The following FBN3 variants were observed in gnomAD, a reference collection of about 807,000 sequenced individuals.
FBN3 encodes the protein fibrillin 3.
A neutral mutation model predicts 330.1 loss-of-function variants in FBN3; 234 were observed. That is an observed-to-expected ratio of 0.71 (90% CI 0.64 to 0.79). The LOEUF is 0.79. FBN3 is among the 30% of genes least tolerant of loss of function. The pLI is 0.00. For missense variants in FBN3, 3,606 were observed against 3,886.9 expected, an observed-to-expected ratio of 0.93 and a Z score of 1.92; for synonymous variants, 1,458 against 1,517.3, an observed-to-expected ratio of 0.96 and a Z score of 0.91.
At chr19:8,143,105 TTC>T (rs2083451131) in intron 6 of FBN3, among the ~76,000 whole-genome samples, 1 of 151,980 alleles carries the variant, frequency 6.6e-6, no homozygotes, top group Non-Finnish European at 1.5e-5. Context: ...CCCACTCCGG[TTC>T]TCTTTCTCTT....
intron 13 of FBN3, 123 bp downstream of exon 13, chr19:8,135,838 T>C (rs2083264798): frequency 1.9e-6 from 2 of 1,080,760 alleles, no homozygotes; most frequent in Admixed American, 2.1e-5. Context: ...GGTTCAGAGG[T>C]GAGCAGAGGA....
At position 8,096,228 on chromosome 19, in the gene FBN3, G is replaced by C; in HGVS notation, c.5540-148C>G. On this transcript the variant is annotated intron_variant, in intron 44 of 63. Transcript: ENST00000600128. This position sits in a 1 kb window ranked among gnomAD's most constrained non-coding sequence, Gnocchi z 4.6. ...AGTGACCCCTGGCGGTGATGGCTGG[G>C]AAGTACTCCTGGTATGATATATCAC... 2.3e-6 allele frequency: 2 copies of C among 854,586 alleles called. No individual in the cohort carries two copies. Among genetic ancestry groups the C allele is most frequent in the Non-Finnish European group, 3.8e-6 (2 of 524,662 alleles). The allele number at this position is 854,586 out of a possible 1,614,324, so 52.9% of individuals were successfully genotyped here.
At chr19:8,076,389 T>C (rs909195662) in intron 59 of FBN3, among the ~76,000 whole-genome samples, 4 of 152,106 alleles carry the variant, frequency 2.6e-5, no homozygotes, top group Admixed American at 6.6e-5. Flanking sequence ...TCCCAGTGCT[T>C]TGGGAGGCCT....
Position 8,081,446 on chromosome 19 carries a change from A to G in FBN3, c.7248T>C (p.Cys2416=), listed in dbSNP as rs1248064184. ...MDECSQVPKP[C]TFLCKNTKGS... ...CCTTCGTGTTTTTGCAGAGGAAGGT[A>G]CATGGCTTGGGGACCTGGCTGCACT... is the stretch of plus-strand genomic sequence containing the variant. Residue 2416 remains cysteine, a synonymous_variant, in exon 58 of 64, where the codon TGT becomes TGC. Transcript: ENST00000600128. 2 of 1,612,316 alleles carry G rather than the reference A, an allele frequency of 1.2e-6. No homozygotes were observed. Among genetic ancestry groups the G allele is most frequent in the Admixed American group, 1.7e-5 (1 of 59,648 alleles).
intron 25 of FBN3, among the ~76,000 whole-genome samples, chr19:8,120,165 C>CTTTTTTTTTTTTTTTTTTTT (rs34799960): frequency 7.8e-6 from 1 of 127,922 alleles, no homozygotes; most frequent in African/African-American, 3.0e-5. Context: ...TTCTTTCTTT[C>CTTTTTTTTTTTTTTTTTTTT]TTTTTTTTTT....
chr19:8,121,428 C>A lies in FBN3; in HGVS notation c.3083-42G>T, dbSNP rs767360555. 7.8e-6 allele frequency: 12 copies of A among 1,540,416 alleles called. No individual in the cohort carries two copies. Among genetic ancestry groups the A allele is most frequent in the Non-Finnish European group, 1.1e-5 (12 of 1,139,574 alleles). ...CAGAGGCCGGAGGCGCCATGTGGGC[C>A]GCATCATGGGGCACGAGGCAGGGGG... On this transcript the variant is annotated intron_variant, in intron 24 of 63. Coordinates refer to ENST00000600128, the MANE Select transcript of FBN3 (RefSeq NM_032447.5). The surrounding 1 kb of genome is among the most constrained non-coding windows in gnomAD (Gnocchi z 4.5).
chr19:8,145,086 G>T, intron 5 of FBN3, 114 bp from the exon 6 acceptor site: 1 of 953,784 alleles, frequency 1.0e-6, no homozygotes. Flanking sequence ...GGTTGAATAA[G>T]ACTGAGGCTG....
In FBN3 at chr19:8,066,031, T is replaced by C. The variant is rs1352368524; in HGVS notation, c.8318A>G (p.Tyr2773Cys). The change falls in exon 64 of 64, where the codon TAC becomes TGC. Residue 2773 changes from tyrosine (Y) to cysteine (C), a missense_variant. Transcript: ENST00000600128. Reference protein sequence around the residue: ...LGRRRPGPGTYRLEVVSHMAG... With the variant: ...LGRRRPGPGTCRLEVVSHMAG... ...CATGTGGCTCACCACCTCCAGCCGG[T>C]AGGTTCCAGGCCCCGGCCGCCTCCG... is the stretch of plus-strand genomic sequence containing the variant. 1 of 1,613,028 alleles carries C rather than the reference T, an allele frequency of 6.2e-7. No individual in the cohort carries two copies. Among genetic ancestry groups the C allele is most frequent in the Non-Finnish European group, 8.5e-7 (1 of 1,179,980 alleles).
In FBN3 at chr19:8,131,362, G is replaced by C. The variant is rs931720701; in HGVS notation, c.1991-74C>G. 5.6e-5 allele frequency: 87 copies of C among 1,548,446 alleles called. No homozygotes were observed. The highest frequency in any genetic ancestry group is 7.3e-5 in the Non-Finnish European group (82 of 1,128,878). ...CTCGGATTCAGCCACAGGCAAGGAT[G>C]AGGCCCTCTGGTCTTGGGCAAGAGT... On this transcript the variant is annotated intron_variant, in intron 15 of 63. Coordinates refer to ENST00000600128, the MANE Select transcript of FBN3 (RefSeq NM_032447.5). The surrounding 1 kb of genome is among the most constrained non-coding windows in gnomAD (Gnocchi z 4.5).
chr19:8,120,181 T>TA (rs397859827), intron 25 of FBN3, among the ~76,000 whole-genome samples: 1 of 146,922 alleles, frequency 6.8e-6, no homozygotes. Flanking sequence ...TTTTTTTTTT[T>TA]AATTTGGAGA....
chr19:8,085,930 G>A (rs914363068), intron 55 of FBN3, among the ~76,000 whole-genome samples: 6 of 150,986 alleles, frequency 4.0e-5, no homozygotes, highest in African/African-American at 1.5e-4. Context: ...GCCCGTCAGT[G>A]CCGCAGGCCC....
chr19:8,072,234 G>T, intron 62 of FBN3, 36 bp from the exon 63 acceptor site: 5 of 1,497,324 alleles, frequency 3.3e-6, no homozygotes, highest in Non-Finnish European at 4.4e-6. Flanking sequence ...GGGTTTCAGA[G>T]GCGGGCTGAT....
In FBN3 at chr19:8,126,483, C is replaced by T. The variant is rs751048344; in HGVS notation, c.2539G>A (p.Glu847Lys). The T allele has an allele frequency of 5.6e-6, 9 of 1,612,898 alleles. No individual in the cohort carries two copies. Among genetic ancestry groups the T allele is most frequent in the Non-Finnish European group, 5.1e-6 (6 of 1,179,558 alleles). ...TLGAAWGSPC[E>K]RCEIDPACAR... is the part of the protein sequence containing the mutation. ...AGGATACTACCGATCTCGCAGCGTT[C>T]GCAGGGGCTCCCCCAGGCTGCCCCG... Residue 847 changes from glutamate (E) to lysine (K), a missense_variant, in exon 20 of 64, where the codon GAA becomes AAA. By Grantham distance (56) the Glu-to-Lys change is moderately conservative. Coordinates refer to ENST00000600128, the MANE Select transcript of FBN3 (RefSeq NM_032447.5).
Position 8,069,972 on chromosome 19 carries a change from T to G in FBN3, c.8088+2076A>C, listed in dbSNP as rs114752249. On this transcript the variant is annotated intron_variant, in intron 63 of 63. Transcript: ENST00000600128. Reference sequence around the variant, plus strand: ...TACAAAAATTAGCCCTTCTCTGTCTTGATCTACTTCTGCCCTGGGACCCTG... The same window carrying G: ...TACAAAAATTAGCCCTTCTCTGTCTGGATCTACTTCTGCCCTGGGACCCTG... 2.0e-3 allele frequency among the ~76,000 whole-genome samples: 300 copies of G among 152,306 alleles called. 2 individuals are homozygous for G. Among genetic ancestry groups the G allele is most frequent in the African/African-American group, 7.1e-3 (294 of 41,578 alleles).
intron 38 of FBN3, among the ~76,000 whole-genome samples, chr19:8,105,040 C>T (rs574900664): frequency 9.0e-4 from 136 of 151,872 alleles, no homozygotes; most frequent in African/African-American, 2.8e-3. Flanking sequence ...CTGCAACCTC[C>T]GCCTCCCAGG....
chr19:8,126,108 G>A, intron 21 of FBN3, 91 bp from the exon 22 acceptor site: 1 of 1,565,080 alleles, frequency 6.4e-7, no homozygotes, highest in Non-Finnish European at 8.7e-7. Flanking sequence ...TCCTTGAGGA[G>A]GAAGGAAGGG....
Position 8,112,091 on chromosome 19 carries a change from C to T in FBN3, c.3847G>A (p.Glu1283Lys). The T allele has an allele frequency of 6.2e-7, 1 of 1,613,410 alleles. No homozygotes were observed. The highest frequency in any genetic ancestry group is 1.1e-5 in the South Asian group (1 of 91,016). Residue 1283 changes from glutamate to lysine, a missense_variant, in exon 31 of 64, where the codon GAA (glutamate) becomes AAA (lysine). By Grantham distance (56) the Glu-to-Lys change is moderately conservative. Transcript: ENST00000600128. ...KGATGCSDVDECEVGGHNCDS... is the reference protein window; with the variant it reads ...KGATGCSDVDKCEVGGHNCDS... ...CAGTTGTGTCCTCCAACCTCGCATTCATCCACATCTAAAGGGAGAGGAGGC... is the reference window on the plus strand; with the variant it reads ...CAGTTGTGTCCTCCAACCTCGCATTTATCCACATCTAAAGGGAGAGGAGGC...
Position 8,109,616 on chromosome 19 carries a change from T to G in FBN3, c.4456+15A>C. 2 of 1,587,684 alleles carry G rather than the reference T, an allele frequency of 1.3e-6. No homozygotes were observed. Among genetic ancestry groups the G allele is most frequent in the Non-Finnish European group, 1.7e-6 (2 of 1,165,972 alleles). ...TGACCCCAGAACCCTGATCTGGAGT[T>G]GAGCATGGACTCACCCACGCAGCCC... On this transcript the variant is annotated intron_variant, in intron 35 of 63. Transcript: ENST00000600128. This position sits in a 1 kb window ranked among gnomAD's most constrained non-coding sequence, Gnocchi z 5.2.
intron 6 of FBN3, among the ~76,000 whole-genome samples, chr19:8,143,619 C>T (rs1305406129): frequency 6.7e-6 from 1 of 150,116 alleles, no homozygotes; most frequent in Non-Finnish European, 1.5e-5. Flanking sequence ...TTCCAAGTAG[C>T]TGGGACTACA....
Sources: allele counts gnomAD v4.1 joint callset (sites outside exome capture counted in the v4.1 genomes callset), GRCh38; gene constraint gnomAD v4.1.1; non-coding constraint Gnocchi (gnomAD v3.1); transcripts MANE v1.5; gene names NCBI Gene and HGNC (gene_info 2026-07-23, HGNC 2026-07-21).